ADAMTSL1: variants seen among roughly 807,000 people sequenced by gnomAD.
The protein encoded by ADAMTSL1 is ADAMTS-like protein 1.
A neutral mutation model predicts 201.8 loss-of-function variants in ADAMTSL1; 126 were observed. The ratio of observed to expected loss-of-function variants is 0.62; its 90% confidence interval spans 0.54 to 0.72. ADAMTSL1 has a LOEUF of 0.72. Ranked by LOEUF, ADAMTSL1 falls within the 30% of genes least tolerant of loss-of-function variation. The probability of loss-of-function intolerance (pLI) is 0.00; values close to 1 mark genes in which losing one functional copy is unlikely to be tolerated. For missense variants in ADAMTSL1, 2,679 were observed against 2,277.8 expected (o/e 1.18, Z -3.59); for synonymous variants, 1,121 against 903.4 (o/e 1.24, Z -4.32).
chr9:18,023,686 T>C (rs890430023), intron 1 of ADAMTSL1, among the ~76,000 whole-genome samples: 4 of 152,202 alleles, frequency 2.6e-5, no homozygotes, highest in Non-Finnish European at 4.4e-5. Flanking sequence ...ATTGTAGCCA[T>C]CTATACATAA....
At chr9:18,800,987 T>A (rs16937100) in intron 20 of ADAMTSL1, among the ~76,000 whole-genome samples, 7 of 80,328 alleles carry the variant, frequency 8.7e-5, no homozygotes, top group African/African-American at 1.5e-4. Flanking sequence ...GGCAAAAAAA[T>A]ATCTGAATAT....
At chr9:18,675,671 G>C (rs776903796) in intron 9 of ADAMTSL1, among the ~76,000 whole-genome samples, 186 bp from the exon 10 acceptor site, 2 of 152,044 alleles carry the variant, frequency 1.3e-5, no homozygotes, top group Non-Finnish European at 2.9e-5. Flanking sequence ...CCCTTTCAAA[G>C]AACTTGCCCC....
chr9:18,689,037 C>T (rs999987441), intron 13 of ADAMTSL1, among the ~76,000 whole-genome samples: 2 of 151,922 alleles, frequency 1.3e-5, no homozygotes, highest in South Asian at 2.1e-4. Flanking sequence ...AGATTGAGCC[C>T]ATCTGGTTGC....
At chr9:18,670,551 A>G (rs544527139) in intron 9 of ADAMTSL1, among the ~76,000 whole-genome samples, 1 of 152,248 alleles carries the variant, frequency 6.6e-6, no homozygotes, top group Non-Finnish European at 1.5e-5. Flanking sequence ...GGGACTGAAT[A>G]TGTGCACAAC....
chr9:17,932,385 AG>A (rs1282908149), intron 1 of ADAMTSL1, among the ~76,000 whole-genome samples: 5 of 152,122 alleles, frequency 3.3e-5, no homozygotes, highest in Non-Finnish European at 7.4e-5. Context: ...GGCTGTTTCG[AG>A]GAGGAAAAAA....
chr9:18,168,380 G>T (rs1474524298), intron 2 of ADAMTSL1, among the ~76,000 whole-genome samples: 6 of 152,028 alleles, frequency 3.9e-5, no homozygotes, highest in African/African-American at 1.2e-4. Flanking sequence ...GCGGTGTTTG[G>T]TTTTTTGTCC....
rs7850984 is a variant in ADAMTSL1, at chr9:18,370,006, G to A, written c.208-134823G>A. ...AAATAATAGATACTGGGGGCTGGAC[G>A]TGGTGGCTCATGTCTGTAATCCCAG... On this transcript the variant is annotated intron_variant, in intron 2 of 29. Transcript: ENST00000680146. Among the ~76,000 whole-genome samples the A allele has an allele frequency of 3.8e-3, 577 of 152,272 alleles. 1 individual carries two copies. The highest frequency in any genetic ancestry group is 0.013 in the African/African-American group (520 of 41,560).
intron 14 of ADAMTSL1, chr9:18,718,285 A>T: frequency 1.3e-6 from 1 of 749,984 alleles, no homozygotes; most frequent in Admixed American, 1.8e-5. Context: ...TTGATGGAAT[A>T]AACTAATGCA....
intron 1 of ADAMTSL1, among the ~76,000 whole-genome samples, chr9:18,043,324 A>T (rs1480063737): frequency 6.6e-6 from 1 of 152,128 alleles, no homozygotes; most frequent in Non-Finnish European, 1.5e-5. Flanking sequence ...TTAGTTGGGA[A>T]AAAATGCCCA....
intron 2 of ADAMTSL1, among the ~76,000 whole-genome samples, chr9:18,437,550 T>TA (rs1250098182): frequency 6.6e-6 from 1 of 152,144 alleles, no homozygotes; most frequent in African/African-American, 2.4e-5. Context: ...CCTGCCTTCC[T>TA]AACCACCCCC....
chr9:18,780,502 A>AT (rs1192873309), intron 19 of ADAMTSL1, among the ~76,000 whole-genome samples: 1 of 152,112 alleles, frequency 6.6e-6, no homozygotes, highest in South Asian at 2.1e-4. Context: ...TTTTATGTCT[A>AT]TTTTTTTAAT....
chr9:18,751,183 C>G (rs1819449977), intron 15 of ADAMTSL1, among the ~76,000 whole-genome samples: 1 of 152,186 alleles, frequency 6.6e-6, no homozygotes, highest in Non-Finnish European at 1.5e-5. Context: ...TTATAATTAA[C>G]TCAATCTAAG....
intron 2 of ADAMTSL1, among the ~76,000 whole-genome samples, chr9:18,252,164 A>G (rs10963538): frequency 0.011 from 1,751 of 152,290 alleles, 13 homozygotes; most frequent in Non-Finnish European, 0.021. Flanking sequence ...GTTGCAGTAC[A>G]TAGGAAAAAT....
At chr9:18,549,958 A>G (rs1228225972) in intron 3 of ADAMTSL1, among the ~76,000 whole-genome samples, 1 of 152,032 alleles carries the variant, frequency 6.6e-6, no homozygotes, top group African/African-American at 2.4e-5. Context: ...ACTCGTATGC[A>G]CATTAAAGGC....
At chr9:17,931,296 C>G (rs1044927614) in intron 1 of ADAMTSL1, among the ~76,000 whole-genome samples, 4 of 152,154 alleles carry the variant, frequency 2.6e-5, no homozygotes, top group African/African-American at 9.7e-5. Context: ...TGGCCTCTCT[C>G]TTAACTCCGT....
At chr9:18,031,881 G>A (rs1161828834) in intron 1 of ADAMTSL1, among the ~76,000 whole-genome samples, 1 of 152,172 alleles carries the variant, frequency 6.6e-6, no homozygotes, top group East Asian at 1.9e-4. Context: ...GTGGTCTGAT[G>A]ATACAGGGGT....
intron 1 of ADAMTSL1, among the ~76,000 whole-genome samples, chr9:17,979,659 T>C (rs181050673): frequency 2.7e-4 from 41 of 152,288 alleles, no homozygotes; most frequent in African/African-American, 9.6e-4. Context: ...CTTTGTTCTT[T>C]GGTGGTATTT....
At chr9:18,099,027 T>A (rs1406845421) in intron 1 of ADAMTSL1, among the ~76,000 whole-genome samples, 1 of 151,912 alleles carries the variant, frequency 6.6e-6, no homozygotes, top group Non-Finnish European at 1.5e-5. Context: ...TCATTTACGG[T>A]GGGAGGATTA....
rs1443957480 is a variant in ADAMTSL1, at chr9:18,441,862, C to A, written c.208-62967C>A. 2.0e-5 allele frequency among the ~76,000 whole-genome samples: 3 copies of A among 152,138 alleles called. No individual in the cohort carries two copies. In the East Asian group the frequency reaches 5.8e-4, roughly 29 times the overall value. ...TACCTGGAACAAAAGGTCCTCAGTT[C>A]AATTTTTAACTAAGTTTTGGTGCTG... is the stretch of plus-strand genomic sequence containing the variant. On this transcript the variant is annotated intron_variant, in intron 2 of 29. Coordinates refer to the ADAMTSL1 transcript ENST00000680146.
Sources: gnomAD v4.1 joint callset for allele counts (sites outside exome capture counted in the v4.1 genomes callset) on GRCh38, gnomAD v4.1.1 for gene constraint, MANE v1.5 for transcripts, NCBI Gene and HGNC (gene_info 2026-07-23, HGNC 2026-07-21) for gene names.